The following GPC6 variants were observed in gnomAD, a reference collection of about 807,000 sequenced individuals.
The protein encoded by GPC6 is glypican 6.
GPC6 carries 14 observed loss-of-function variants against 55.2 expected under a neutral mutation model. The observed-to-expected ratio is 0.25, with a 90% confidence interval of 0.17 to 0.40. GPC6 has a LOEUF of 0.40. Ranked by LOEUF, GPC6 falls within the 10% of genes least tolerant of loss-of-function variation. GPC6 has a pLI of 1.00. For missense variants in GPC6, 641 were observed against 708.5 expected, an observed-to-expected ratio of 0.90 and a Z score of 1.08; for synonymous variants, 278 against 259.6, an observed-to-expected ratio of 1.07 and a Z score of -0.68.
At chr13:93,427,510 C>T (rs1300853534) in intron 1 of GPC6, among the ~76,000 whole-genome samples, 1 of 152,016 alleles carries the variant, frequency 6.6e-6, no homozygotes, top group Non-Finnish European at 1.5e-5. Flanking sequence ...AAAGGATTCC[C>T]TATTTAACAA....
intron 1 of GPC6, among the ~76,000 whole-genome samples, chr13:93,237,550 T>G (rs140661750): frequency 1.3e-5 from 2 of 152,328 alleles, no homozygotes; most frequent in East Asian, 3.9e-4. Flanking sequence ...TCCTTTGCTA[T>G]GCAGAAGCTT....
At chr13:93,862,098 G>GT (rs1364402454) in intron 3 of GPC6, among the ~76,000 whole-genome samples, 1 of 151,610 alleles carries the variant, frequency 6.6e-6, no homozygotes, top group Non-Finnish European at 1.5e-5. Flanking sequence ...AAGTTTTTGT[G>GT]CAATTTGGTT....
At chr13:94,362,977 G>A (rs73553803) in intron 6 of GPC6, among the ~76,000 whole-genome samples, 9,737 of 152,136 alleles carry the variant, frequency 0.064, 516 homozygotes, top group East Asian at 0.25. Flanking sequence ...GCACCTATCA[G>A]CCCATCATCT....
intron 1 of GPC6, among the ~76,000 whole-genome samples, chr13:93,267,901 A>T (rs1877378969): frequency 6.6e-6 from 1 of 152,150 alleles, no homozygotes; most frequent in Non-Finnish European, 1.5e-5. Context: ...TTGGGGAAAA[A>T]ATGTGTCATT....
chr13:93,835,074 A>G (rs1396667443), intron 3 of GPC6, among the ~76,000 whole-genome samples: 1 of 152,218 alleles, frequency 6.6e-6, no homozygotes, highest in Non-Finnish European at 1.5e-5. Flanking sequence ...ACCAGTCTTT[A>G]TTAATTATAA....
chr13:93,426,270 T>A (rs1366058415), intron 1 of GPC6, among the ~76,000 whole-genome samples: 1 of 152,068 alleles, frequency 6.6e-6, no homozygotes, highest in Non-Finnish European at 1.5e-5. Flanking sequence ...AGTTTTAGGG[T>A]ACATGTGCAC....
intron 3 of GPC6, among the ~76,000 whole-genome samples, chr13:93,886,749 AT>A (rs34726181): frequency 5.0e-4 from 68 of 135,352 alleles, no homozygotes; most frequent in South Asian, 1.2e-3. Flanking sequence ...AGCATCTGTC[AT>A]TTTTTTTTTG....
intron 1 of GPC6, among the ~76,000 whole-genome samples, chr13:93,531,614 G>A (rs1370789943): frequency 6.6e-6 from 1 of 152,006 alleles, no homozygotes; most frequent in Non-Finnish European, 1.5e-5. Flanking sequence ...TACATTACTG[G>A]GTGCTATGGC....
At chr13:93,879,834 C>G (rs1351747826) in intron 3 of GPC6, among the ~76,000 whole-genome samples, 1 of 152,158 alleles carries the variant, frequency 6.6e-6, no homozygotes, top group South Asian at 2.1e-4. Flanking sequence ...GGGCTAATAT[C>G]CAGAATCTAC....
At chr13:93,915,580 A>G (rs950120762) in intron 3 of GPC6, among the ~76,000 whole-genome samples, 1 of 152,224 alleles carries the variant, frequency 6.6e-6, no homozygotes, top group Non-Finnish European at 1.5e-5. Flanking sequence ...GCAGTGTTCC[A>G]CTGGAAAAAA....
intron 1 of GPC6, among the ~76,000 whole-genome samples, chr13:93,541,272 G>A (rs1212241678): frequency 3.4e-5 from 5 of 145,422 alleles, no homozygotes; most frequent in Admixed American, 1.4e-4. Context: ...GAGAATATGC[G>A]GCATTTGGTT....
At chr13:94,337,408 CATAG>C (rs1394449572) in intron 6 of GPC6, among the ~76,000 whole-genome samples, 5 of 152,002 alleles carry the variant, frequency 3.3e-5, no homozygotes, top group African/African-American at 4.8e-5. Flanking sequence ...GGGCTAGTAA[CATAG>C]ATAGTACATT....
intron 4 of GPC6, among the ~76,000 whole-genome samples, chr13:94,279,304 G>A (rs1324604625): frequency 2.0e-5 from 3 of 149,090 alleles, no homozygotes; most frequent in Non-Finnish European, 4.5e-5. Flanking sequence ...ATTTTTTATT[G>A]TGTCTATTTT....
At chr13:94,195,187 A>G (rs1889531826) in intron 4 of GPC6, among the ~76,000 whole-genome samples, 2 of 152,214 alleles carry the variant, frequency 1.3e-5, no homozygotes, top group African/African-American at 4.8e-5. Context: ...ATGTCAAAGA[A>G]GTTAAAGCCT....
chr13:93,533,960 C>T (rs1335626541), intron 1 of GPC6, among the ~76,000 whole-genome samples: 1 of 152,018 alleles, frequency 6.6e-6, no homozygotes, highest in Non-Finnish European at 1.5e-5. Flanking sequence ...AATGTTCAAA[C>T]AGAGGAAGTG....
intron 4 of GPC6, among the ~76,000 whole-genome samples, chr13:94,154,893 A>G (rs934227284): frequency 1.3e-5 from 2 of 152,098 alleles, no homozygotes; most frequent in African/African-American, 4.8e-5. Context: ...TTGTTCAGTA[A>G]GCTTTCTGCA....
chr13:93,580,518 T>A (rs1487040849), intron 2 of GPC6, among the ~76,000 whole-genome samples: 2 of 152,226 alleles, frequency 1.3e-5, no homozygotes, highest in African/African-American at 4.8e-5. Context: ...TTTTTCTTTA[T>A]AACCTTTTAT....
At chr13:93,740,449 A>C (rs1566511856) in intron 2 of GPC6, among the ~76,000 whole-genome samples, 2 of 152,200 alleles carry the variant, frequency 1.3e-5, no homozygotes, top group Non-Finnish European at 2.9e-5. Flanking sequence ...GGAAAAAGTC[A>C]AGGTCAAGAA....
chr13:93,776,615 GGAAA>G (rs1019483572), intron 2 of GPC6, among the ~76,000 whole-genome samples: 1 of 151,932 alleles, frequency 6.6e-6, no homozygotes, highest in African/African-American at 2.4e-5. Flanking sequence ...AAAGAAAGAA[GGAAA>G]GAAAGAAAGA....
Sources: gnomAD v4.1 joint callset for allele counts (sites outside exome capture counted in the v4.1 genomes callset) on GRCh38, gnomAD v4.1.1 for gene constraint, MANE v1.5 for transcripts, NCBI Gene and HGNC (gene_info 2026-07-23, HGNC 2026-07-21) for gene names.